Variants in TBC1D5 observed in about 807,000 individuals in gnomAD.
TBC1D5 encodes TBC1 domain family member 5.
A neutral mutation model predicts 100.3 loss-of-function variants in TBC1D5; 75 were observed. That is an observed-to-expected ratio of 0.75 (90% CI 0.62 to 0.91). The LOEUF is 0.91. TBC1D5 is among the 40% of genes least tolerant of loss of function. The pLI, the probability that TBC1D5 is intolerant of heterozygous loss-of-function variation, is 0.00. For synonymous variants in TBC1D5, 323 were observed against 325.6 expected, an observed-to-expected ratio of 0.99 and a Z score of 0.09; for missense variants, 910 against 942.4, an observed-to-expected ratio of 0.97 and a Z score of 0.45.
intron 2 of TBC1D5, among the ~76,000 whole-genome samples, chr3:17,529,364 A>G (rs1297728872): frequency 4.6e-5 from 7 of 152,122 alleles, no homozygotes; most frequent in Admixed American, 2.6e-4. Flanking sequence ...AATAAAACAT[A>G]TATTTCACTT....
intron 8 of TBC1D5, among the ~76,000 whole-genome samples, chr3:17,387,449 T>C (rs2093199028): frequency 6.6e-6 from 1 of 152,086 alleles, no homozygotes; most frequent in Non-Finnish European, 1.5e-5. Context: ...TTGATGAATA[T>C]ACCTAGACAA....
intron 9 of TBC1D5, among the ~76,000 whole-genome samples, chr3:17,382,315 G>C (rs1010725622): frequency 6.6e-6 from 1 of 151,910 alleles, no homozygotes; most frequent in Non-Finnish European, 1.5e-5. Flanking sequence ...AAAGGAATTT[G>C]TGTCTACACT....
chr3:17,342,199 C>T (rs2089083010), intron 13 of TBC1D5, among the ~76,000 whole-genome samples: 1 of 152,216 alleles, frequency 6.6e-6, no homozygotes, highest in African/African-American at 2.4e-5. Flanking sequence ...ATATGCAGGT[C>T]ACATTTTAGT....
intron 2 of TBC1D5, among the ~76,000 whole-genome samples, chr3:17,517,074 C>T (rs1415172760): frequency 6.6e-6 from 1 of 152,152 alleles, no homozygotes; most frequent in African/African-American, 2.4e-5. Context: ...GTCTGTTCTA[C>T]CCTCAAAATA....
intron 3 of TBC1D5, among the ~76,000 whole-genome samples, chr3:17,462,862 A>G (rs1344144475): frequency 2.6e-5 from 4 of 152,240 alleles, no homozygotes; most frequent in African/African-American, 9.6e-5. Flanking sequence ...GCCATGACCT[A>G]TCTTCTTTTA....
intron 13 of TBC1D5, among the ~76,000 whole-genome samples, chr3:17,364,443 A>C (rs752144323): frequency 2.0e-5 from 3 of 152,230 alleles, no homozygotes; most frequent in Non-Finnish European, 4.4e-5. Context: ...ACATGCCAAA[A>C]TTCAAGGCTA....
At chr3:17,670,824 T>C (rs1441197943) in intron 1 of TBC1D5, among the ~76,000 whole-genome samples, 1 of 152,188 alleles carries the variant, frequency 6.6e-6, no homozygotes, top group East Asian at 1.9e-4. Context: ...GCAACAGAAT[T>C]GACTCAAAAA....
Position 17,533,206 on chromosome 3 carries a change from C to T in TBC1D5, c.-35-24601G>A, listed in dbSNP as rs565708527. Among the ~76,000 whole-genome samples the T allele has an allele frequency of 1.6e-3, 246 of 152,190 alleles. 1 individual carries two copies. The highest frequency in any genetic ancestry group is 6.8e-3 in the Middle Eastern group (2 of 294). ...AATCCAATAATCCCTAAATCTATTT[C>T]CCCATACAATTAAAAGATAAACTAT... On this transcript the variant is annotated intron_variant, in intron 2 of 21. Transcript: ENST00000253692.
intron 3 of TBC1D5, among the ~76,000 whole-genome samples, chr3:17,451,146 G>A (rs1267020855): frequency 6.6e-6 from 1 of 152,118 alleles, no homozygotes; most frequent in Non-Finnish European, 1.5e-5. Context: ...TGTAAGTGGA[G>A]GAGAAATAAA....
intron 1 of TBC1D5, chr3:17,705,929 G>C (rs917878050): frequency 2.4e-5 from 27 of 1,108,826 alleles, no homozygotes; most frequent in Admixed American, 2.2e-4. Context: ...CGCGGGGCCC[G>C]TCCGCTCCTC....
chr3:17,675,972 A>T (rs973274518), intron 1 of TBC1D5, among the ~76,000 whole-genome samples: 1 of 152,008 alleles, frequency 6.6e-6, no homozygotes, highest in Non-Finnish European at 1.5e-5. Flanking sequence ...TAGTCATTCT[A>T]TTTTTTTCAA....
At chr3:17,326,868 T>C (rs1418195580) in intron 13 of TBC1D5, among the ~76,000 whole-genome samples, 1 of 152,218 alleles carries the variant, frequency 6.6e-6, no homozygotes, top group African/African-American at 2.4e-5. Flanking sequence ...GAGACAGCAA[T>C]CAACCCTCTA....
intron 3 of TBC1D5, among the ~76,000 whole-genome samples, chr3:17,486,125 C>G (rs2095563973): frequency 6.6e-6 from 1 of 152,124 alleles, no homozygotes; most frequent in Non-Finnish European, 1.5e-5. Flanking sequence ...TGTCTTTTGG[C>G]TGCATAAATG....
At chr3:17,375,848 G>A (rs1490960255) in intron 10 of TBC1D5, among the ~76,000 whole-genome samples, 1 of 152,128 alleles carries the variant, frequency 6.6e-6, no homozygotes, top group Non-Finnish European at 1.5e-5. Flanking sequence ...TTATCTGCAA[G>A]TTTTCTGTTT....
chr3:17,227,292 A>G (rs1321978241), intron 17 of TBC1D5, among the ~76,000 whole-genome samples: 5 of 152,180 alleles, frequency 3.3e-5, no homozygotes, highest in Admixed American at 3.3e-4. Flanking sequence ...GCATTGTACT[A>G]GGAACATCTA....
intron 2 of TBC1D5, among the ~76,000 whole-genome samples, chr3:17,521,407 A>T (rs962453204): frequency 6.6e-6 from 1 of 152,308 alleles, no homozygotes; most frequent in Non-Finnish European, 1.5e-5. Flanking sequence ...TCTTAATAAC[A>T]TTTCCTTTTC....
chr3:17,427,800 T>A (rs2094367499), intron 4 of TBC1D5, among the ~76,000 whole-genome samples: 1 of 151,966 alleles, frequency 6.6e-6, no homozygotes, highest in Non-Finnish European at 1.5e-5. Flanking sequence ...TTACTGAAAA[T>A]ACTTTAATCT....
At position 17,337,570 on chromosome 3, in the gene TBC1D5, G is replaced by T. The variant is rs2088126552; in HGVS notation, c.996-29436C>A. 2.0e-5 allele frequency: 3 copies of T among 152,246 alleles called. No individual in the cohort carries two copies. The South Asian group carries it at 6.2e-4, about 32-fold the overall frequency. The allele number at this position is 152,246 out of a possible 1,614,324, so 9.4% of individuals were successfully genotyped here. ...TTGGATCCTTAATTGAGCCTCTTGT[G>T]TCACAGTACCTCCAGACTTCAGCTA... On this transcript the variant is annotated intron_variant, in intron 13 of 21. Transcript: ENST00000253692.
At chr3:17,334,669 T>C (rs1263486944) in intron 13 of TBC1D5, among the ~76,000 whole-genome samples, 1 of 152,150 alleles carries the variant, frequency 6.6e-6, no homozygotes, top group African/African-American at 2.4e-5. Flanking sequence ...TAAGGGCAAA[T>C]ACACCTTTCT....
Sources: allele counts gnomAD v4.1 joint callset (sites outside exome capture counted in the v4.1 genomes callset), GRCh38; gene constraint gnomAD v4.1.1; transcripts MANE v1.5; gene names NCBI Gene and HGNC (gene_info 2026-07-23, HGNC 2026-07-21).